CHMP1A: variants seen among roughly 807,000 people sequenced by gnomAD.
CHMP1A encodes charged multivesicular body protein 1A.
In CHMP1A, 17 loss-of-function variants were observed where a neutral mutation model predicts 27.0. The ratio of observed to expected loss-of-function variants is 0.63; its 90% confidence interval spans 0.43 to 0.95. The LOEUF (loss-of-function observed/expected upper bound fraction) is 0.95. CHMP1A is among the 40% of genes least tolerant of loss of function. The probability of loss-of-function intolerance (pLI) is 0.00; values close to 1 mark genes in which losing one functional copy is unlikely to be tolerated. For synonymous variants in CHMP1A, 131 were observed against 107.5 expected, an observed-to-expected ratio of 1.22 and a Z score of -1.35; for missense variants, 275 against 264.0, an observed-to-expected ratio of 1.04 and a Z score of -0.29.
At chr16:89,650,180 T>C (rs2059813224) in intron 3 of CHMP1A, among the ~76,000 whole-genome samples, 1 of 152,002 alleles carries the variant, frequency 6.6e-6, no homozygotes, top group Non-Finnish European at 1.5e-5. Context: ...CCTTCTTTTC[T>C]TTTTTTTCTT....
intron 3 of CHMP1A, among the ~76,000 whole-genome samples, chr16:89,650,988 C>T (rs1179707880): frequency 1.3e-5 from 2 of 152,194 alleles, no homozygotes. Context: ...AGGGCAGGGA[C>T]AGAAACCATT....
intron 4 of CHMP1A, among the ~76,000 whole-genome samples, chr16:89,648,914 A>G (rs962231560): frequency 7.9e-5 from 12 of 151,500 alleles, no homozygotes; most frequent in African/African-American, 2.9e-4. Flanking sequence ...GGTCTCAGCT[A>G]CTTGCGAGGC....
Position 89,644,888 on chromosome 16 carries a change from C to G in CHMP1A, c.*1178G>C, listed in dbSNP as rs1254557271. Reference sequence around the variant, plus strand: ...CCACCACCTGCCTTTTCTACTTTGGCAAAAACAAAAACAAAACCTGGAAGC... The same window carrying G: ...CCACCACCTGCCTTTTCTACTTTGGGAAAAACAAAAACAAAACCTGGAAGC... On this transcript the variant is annotated 3_prime_UTR_variant, in exon 7 of 7. Transcript: ENST00000397901. The G allele has an allele frequency of 1.3e-5, 2 of 152,640 alleles. No homozygotes were observed. The highest frequency in any genetic ancestry group is 6.5e-5 in the Admixed American group (1 of 15,296). The allele number at this position is 152,640 out of a possible 1,614,324, so 9.5% of individuals were successfully genotyped here.
rs1285642548 is a variant in CHMP1A, at chr16:89,649,440, T to C, written c.163A>G (p.Lys55Glu). The C allele has an allele frequency of 1.9e-6, 3 of 1,613,620 alleles. No homozygotes were observed. Among genetic ancestry groups the C allele is most frequent in the Non-Finnish European group, 2.5e-6 (3 of 1,179,886 alleles). Residue 55 changes from lysine (K) to glutamate (E), a missense_variant, in exon 4 of 7, where the codon AAG becomes GAG. Coordinates refer to ENST00000397901, the MANE Select transcript of CHMP1A (RefSeq NM_002768.5). ...ARVYAENAIR[K>E]KNEGVNWLRM... ...AGCCAGTTCACACCTTCGTTCTTCT[T>C]GCGGATGGCGTTCTCGGCATACACA...
intron 4 of CHMP1A, 35 bp downstream of exon 4, chr16:89,649,316 A>G: frequency 6.3e-7 from 1 of 1,598,142 alleles, no homozygotes. Flanking sequence ...CAGCCAGCGA[A>G]CGCCACCCAT....
At chr16:89,657,476 C>A in intron 1 of CHMP1A, 106 bp downstream of exon 1, 1 of 1,430,050 alleles carries the variant, frequency 7.0e-7, no homozygotes, top group Non-Finnish European at 9.6e-7. Flanking sequence ...GAGGCCCGAG[C>A]TCTCCTGAGT....
chr16:89,645,978 T>A lies in CHMP1A; in HGVS notation c.*88A>T, dbSNP rs913060528. ...GGCTGCCGGCCGCAGCCCCGCGGGG[T>A]CAGCACAAAGGCAAGACGCGGTGGG... On this transcript the variant is annotated 3_prime_UTR_variant, in exon 7 of 7. Coordinates refer to ENST00000397901, the MANE Select transcript of CHMP1A (RefSeq NM_002768.5). 13 of 1,608,758 alleles carry A rather than the reference T, an allele frequency of 8.1e-6. No individual in the cohort carries two copies. The highest frequency in any genetic ancestry group is 1.0e-5 in the Non-Finnish European group (12 of 1,178,260).
At position 89,644,716 on chromosome 16, in the gene CHMP1A, G is replaced by C. The variant is rs973049107; in HGVS notation, c.*1350C>G. 3.9e-5 allele frequency: 6 copies of C among 152,302 alleles called. No individual in the cohort carries two copies. Among genetic ancestry groups the C allele is most frequent in the African/African-American group, 1.4e-4 (6 of 41,448 alleles). The allele number at this position is 152,302 out of a possible 1,614,324, so 9.4% of individuals were successfully genotyped here. A position where few individuals can be genotyped will look rare whatever the true frequency, so the allele number is the denominator to read the frequency against. ...AGTTCTGAAAAGAAAACCAAACGCA[G>C]TGAGCCCACGTCAGGGTCTCCACGT... On this transcript the variant is annotated 3_prime_UTR_variant, in exon 7 of 7. Transcript: ENST00000397901.
chr16:89,649,400 C>A lies in CHMP1A; in HGVS notation c.203G>T (p.Arg68Leu), dbSNP rs375600636. 6.2e-7 allele frequency: 1 copy of A among 1,613,594 alleles called. No individual in the cohort carries two copies. The highest frequency in any genetic ancestry group is 1.3e-5 in the African/African-American group (1 of 74,930). ...CACCTTGGAGGCCACTGCGTCTACG[C>A]GGGACGCCATCCGAAGCCAGTTCAC... ...EGVNWLRMASRVDAVASKVQT... is the reference protein window; with the variant it reads ...EGVNWLRMASLVDAVASKVQT... The change falls in exon 4 of 7, where the codon CGC becomes CTC. Residue 68 changes from arginine to leucine, a missense_variant. Coordinates refer to ENST00000397901, the MANE Select transcript of CHMP1A (RefSeq NM_002768.5).
At chr16:89,656,300 C>T (rs2059868999) in intron 1 of CHMP1A, among the ~76,000 whole-genome samples, 1 of 152,136 alleles carries the variant, frequency 6.6e-6, no homozygotes, top group Non-Finnish European at 1.5e-5. Context: ...CCACGCCTGG[C>T]TAATATTTTT....
At position 89,646,560 on chromosome 16, in the gene CHMP1A, G is replaced by C. The variant is rs377068461; in HGVS notation, c.536C>G (p.Ser179Cys). ...CAGCTGGTCCTCCTGGCTGCGCACA[G>C]AGCTCTCGCCCACGGCAGAGGCGCC... The part of the protein sequence containing the change: ...PEGASAVGES[S>C]VRSQEDQLSR... The change falls in exon 6 of 7, where the codon TCT becomes TGT. Residue 179 changes from serine (S) to cysteine (C), a missense_variant. Ser to Cys is a moderately radical substitution (Grantham distance 112). Coordinates refer to ENST00000397901, the MANE Select transcript of CHMP1A (RefSeq NM_002768.5). 6.3e-7 allele frequency: 1 copy of C among 1,593,480 alleles called. No homozygotes were observed. Among genetic ancestry groups the C allele is most frequent in the African/African-American group, 1.3e-5 (1 of 74,616 alleles).
Position 89,657,579 on chromosome 16 carries a change from T to C in CHMP1A, c.7+3A>G, listed in dbSNP as rs1194556231. 13 of 1,611,086 alleles carry C rather than the reference T, an allele frequency of 8.1e-6. No individual in the cohort carries two copies. The highest frequency in any genetic ancestry group is 1.1e-5 in the Non-Finnish European group (13 of 1,179,220). On this transcript the variant is annotated splice_donor_region_variant and intron_variant, in intron 1 of 6. Transcript: ENST00000397901. ...TCCCCGGAGGACGGCCGCGACCTCT[T>C]ACCGTCCATGGCCACAATGACAGGA... is the stretch of plus-strand genomic sequence containing the variant.
rs938016617 is a variant in CHMP1A, at chr16:89,646,476, C to T, written c.569+51G>A. 95 of 1,493,232 alleles carry T rather than the reference C, an allele frequency of 6.4e-5. No homozygotes were observed. In the African/African-American group the frequency reaches 1.1e-3, roughly 18 times the overall value. 92.5% of individuals were successfully genotyped at this position (1,493,232 alleles called of 1,614,324 possible). On this transcript the variant is annotated intron_variant, in intron 6 of 6. Transcript: ENST00000397901. The stretch of plus-strand genomic sequence containing the variant: ...ACCCACAACCCTCTCTCCCTTCCCA[C>T]AGCACCAGAGCGTGGGGTTGGTGAC...
intron 1 of CHMP1A, among the ~76,000 whole-genome samples, chr16:89,656,834 A>G (rs969661046): frequency 6.6e-6 from 1 of 151,784 alleles, no homozygotes. Flanking sequence ...AGTCCCCCCT[A>G]CCGAGCTGGC....
Position 89,645,826 on chromosome 16 carries a change from A to G in CHMP1A, c.*240T>C. ...CTCTTGGCCTCCCCGCTGTGGGCCC[A>G]GAGTCACAGAAATCACCCCCAGAAA... is the stretch of plus-strand genomic sequence containing the variant. On this transcript the variant is annotated 3_prime_UTR_variant, in exon 7 of 7. Coordinates refer to ENST00000397901, the MANE Select transcript of CHMP1A (RefSeq NM_002768.5). The G allele has an allele frequency of 1.5e-6, 2 of 1,340,682 alleles. No homozygotes were observed. The highest frequency in any genetic ancestry group is 2.8e-5 in the South Asian group (2 of 70,840). The allele number at this position is 1,340,682 out of a possible 1,614,324, so 83.0% of individuals were successfully genotyped here.
intron 3 of CHMP1A, 110 bp downstream of exon 3, chr16:89,651,459 C>G: frequency 1.3e-6 from 1 of 796,706 alleles, no homozygotes. Context: ...TAGAAAGTGC[C>G]CTGCCCCTCC....
intron 1 of CHMP1A, 131 bp downstream of exon 1, chr16:89,657,450 CG>C (rs1597796310): frequency 8.8e-7 from 1 of 1,132,776 alleles, no homozygotes; most frequent in Non-Finnish European, 1.3e-6. Context: ...GATGGGGTCC[CG>C]GGGGATCGAC....
chr16:89,647,080 C>CGT (rs1240914630), intron 5 of CHMP1A, 123 bp downstream of exon 5: 1 of 1,534,270 alleles, frequency 6.5e-7, no homozygotes, highest in East Asian at 2.5e-5. Flanking sequence ...TGCTTGGTGA[C>CGT]GTCAGGGAGC....
chr16:89,651,483 A>G, intron 3 of CHMP1A, 86 bp downstream of exon 3: 1 of 1,341,862 alleles, frequency 7.5e-7, no homozygotes, highest in South Asian at 1.3e-5. Context: ...AAAGGCATCA[A>G]AACAAAACAG....
Sources: allele counts gnomAD v4.1 joint callset (sites outside exome capture counted in the v4.1 genomes callset), GRCh38; gene constraint gnomAD v4.1.1; transcripts MANE v1.5; gene names NCBI Gene and HGNC (gene_info 2026-07-23, HGNC 2026-07-21).